Variants in URGCP observed in about 807,000 individuals in gnomAD.
URGCP encodes the protein upregulator of cell proliferation, also known as up-regulator of cell proliferation.
Under a neutral mutation model 24.6 loss-of-function variants are expected in URGCP, and 13 were observed. The observed-to-expected ratio is 0.53, with a 90% confidence interval of 0.34 to 0.84. The LOEUF is 0.84. Ranked by LOEUF, URGCP falls within the 40% of genes least tolerant of loss-of-function variation. The probability of loss-of-function intolerance (pLI) is 0.01; values close to 1 mark genes in which losing one functional copy is unlikely to be tolerated. For missense variants in URGCP, 899 were observed against 1,194.3 expected, an observed-to-expected ratio of 0.75 and a Z score of 3.64; for synonymous variants, 444 against 487.2, an observed-to-expected ratio of 0.91 and a Z score of 1.17.
intron 1 of URGCP, among the ~76,000 whole-genome samples, chr7:43,895,432 T>C (rs2095876886): frequency 6.6e-6 from 1 of 152,222 alleles, no homozygotes; most frequent in Admixed American, 6.5e-5. Flanking sequence ...TCTCAGTACT[T>C]CTGGAGGCCA....
In URGCP at chr7:43,903,590, A is replaced by G. The variant is rs1171515564; in HGVS notation, c.14+2972T>C. Among the ~76,000 whole-genome samples the G allele has an allele frequency of 2.6e-5, 4 of 152,342 alleles. No individual in the cohort carries two copies. The East Asian group carries it at 7.7e-4, about 29-fold the overall frequency. ...AGGTTAAAGAAACTTGAGGAGCTGT[A>G]TCTAGTGTAGTTGGAAATGAAAATC... is the stretch of plus-strand genomic sequence containing the variant. On this transcript the variant is annotated intron_variant, in intron 1 of 5. Transcript: ENST00000453200.
intron 1 of URGCP, among the ~76,000 whole-genome samples, chr7:43,893,158 T>G (rs2095873500): frequency 6.6e-6 from 1 of 152,016 alleles, no homozygotes; most frequent in East Asian, 1.9e-4. Flanking sequence ...CAAGATGTCA[T>G]CTCTCCAAAA....
At chr7:43,885,107 T>C (rs2132663205) in intron 3 of URGCP, among the ~76,000 whole-genome samples, 1 of 151,948 alleles carries the variant, frequency 6.6e-6, no homozygotes, top group African/African-American at 2.4e-5. Context: ...GTATAATTTT[T>C]TTTTTTTTTT....
chr7:43,918,139 T>A (rs2095917372), intron 1 of URGCP, among the ~76,000 whole-genome samples: 1 of 151,140 alleles, frequency 6.6e-6, no homozygotes, highest in East Asian at 2.0e-4. Flanking sequence ...TTGGGCATGG[T>A]GGTGGGTGCC....
chr7:43,910,180 G>C (rs1189577920), upstream of URGCP, among the ~76,000 whole-genome samples: 1 of 152,192 alleles, frequency 6.6e-6, no homozygotes, highest in African/African-American at 2.4e-5. Flanking sequence ...TTCAAGACCA[G>C]CCTGGGCAAC....
At chr7:43,886,256 G>C (rs552556783) in intron 3 of URGCP, among the ~76,000 whole-genome samples, 1 of 152,118 alleles carries the variant, frequency 6.6e-6, no homozygotes, top group African/African-American at 2.4e-5. Flanking sequence ...CCAAAGTACT[G>C]GGATTACAGG....
chr7:43,887,647 G>A (rs1235871621), intron 2 of URGCP, 143 bp downstream of exon 2: 18 of 1,479,062 alleles, frequency 1.2e-5, no homozygotes, highest in Admixed American at 5.2e-5. Context: ...CTGGTCCTGG[G>A]TATCACTGCT....
chr7:43,887,789 C>A lies in URGCP; in HGVS notation c.41+1G>T. ...TCAGAAAGACAGAAAAATATACATA[C>A]CCTTTGCCCAGTAATTCCACTTCTA... is the stretch of plus-strand genomic sequence containing the variant. On this transcript the variant is annotated splice_donor_variant, in intron 2 of 5. Transcript: ENST00000453200. LOFTEE classifies it high-confidence loss of function. The A allele has an allele frequency of 6.5e-7, 1 of 1,549,616 alleles. No individual in the cohort carries two copies. The highest frequency in any genetic ancestry group is 8.7e-7 in the Non-Finnish European group (1 of 1,146,012).
chr7:43,903,357 C>T (rs2095895076), intron 1 of URGCP, among the ~76,000 whole-genome samples: 1 of 152,012 alleles, frequency 6.6e-6, no homozygotes, highest in South Asian at 2.1e-4. Context: ...GTCAGGGTAC[C>T]CCCCCAAACT....
intron 1 of URGCP, among the ~76,000 whole-genome samples, chr7:43,916,323 A>G (rs1288293344): frequency 6.6e-6 from 1 of 152,156 alleles, no homozygotes; most frequent in Non-Finnish European, 1.5e-5. Context: ...TTACTCAGCC[A>G]GGATCCCAAC....
In URGCP at chr7:43,878,725, G is replaced by A. The variant is rs192701664; in HGVS notation, c.738C>T (p.Gly246=). 65 of 1,614,130 alleles carry A rather than the reference G, an allele frequency of 4.0e-5. No individual in the cohort carries two copies. In the East Asian group the frequency reaches 1.2e-3, roughly 30 times the overall value. ...VRTWWSQPPR[G]MGSFREDSVV... ...CGCTGTCTTCCCGGAAGCTCCCCAT[G>A]CCCCTTGGGGGCTGGGACCACCATG... Residue 246 remains glycine (G), a synonymous_variant, in exon 6 of 6, where the codon GGC becomes GGT. Coordinates refer to ENST00000453200, the MANE Select transcript of URGCP (RefSeq NM_001077663.3). This position sits in a 1 kb window ranked among gnomAD's most constrained non-coding sequence, Gnocchi z 5.6.
intron 1 of URGCP, among the ~76,000 whole-genome samples, chr7:43,897,522 G>C (rs1400316951): frequency 6.6e-6 from 1 of 152,154 alleles, no homozygotes; most frequent in Non-Finnish European, 1.5e-5. Context: ...AGCAGGAGAA[G>C]CTAGAGACGA....
At chr7:43,903,187 CA>C (rs2095894736) in intron 1 of URGCP, among the ~76,000 whole-genome samples, 2 of 148,760 alleles carry the variant, frequency 1.3e-5, no homozygotes, top group South Asian at 2.1e-4. Flanking sequence ...AAATCAAAAA[CA>C]AAAAACAAAT....
chr7:43,917,511 C>T (rs901798728), intron 1 of URGCP, among the ~76,000 whole-genome samples: 3 of 152,198 alleles, frequency 2.0e-5, no homozygotes, highest in Non-Finnish European at 4.4e-5. Flanking sequence ...TTTGTTTTAG[C>T]TTCTGCCATT....
chr7:43,901,454 T>G (rs2095890508), intron 1 of URGCP, among the ~76,000 whole-genome samples: 1 of 152,192 alleles, frequency 6.6e-6, no homozygotes, highest in Non-Finnish European at 1.5e-5. Context: ...TAGGGAACAC[T>G]CTGGGTGGCT....
At chr7:43,907,413 G>C (rs1348293366), upstream of URGCP, among the ~76,000 whole-genome samples, 2 of 152,154 alleles carry the variant, frequency 1.3e-5, no homozygotes, top group Non-Finnish European at 2.9e-5. Context: ...CAGGAGGATC[G>C]ATTGAGCCCA....
intron 1 of URGCP, among the ~76,000 whole-genome samples, chr7:43,917,428 T>G (rs2095916714): frequency 6.6e-6 from 1 of 152,162 alleles, no homozygotes; most frequent in African/African-American, 2.4e-5. Flanking sequence ...AACTGGCCAG[T>G]GGCAAACTTT....
In URGCP at chr7:43,878,688, T is replaced by C. The variant is rs2095849296; in HGVS notation, c.775A>G (p.Arg259Gly). ...SFREDSVVLS[R>G]APAFAFVRMD... ...CGCACGAAGGCGAAGGCGGGCGCCC[T>C]GGACAAGACCACGCTGTCTTCCCGG... The change falls in exon 6 of 6, where the codon AGG becomes GGG. Residue 259 changes from arginine to glycine, a missense_variant. Arg to Gly is a moderately radical substitution (Grantham distance 125, BLOSUM62 -2). Coordinates refer to ENST00000453200, the MANE Select transcript of URGCP (RefSeq NM_001077663.3). The surrounding 1 kb of genome is among the most constrained non-coding windows in gnomAD (Gnocchi z 5.6). 6.2e-7 allele frequency: 1 copy of C among 1,613,766 alleles called. No homozygotes were observed. Among genetic ancestry groups the C allele is most frequent in the Non-Finnish European group, 8.5e-7 (1 of 1,180,028 alleles).
rs775426079 is a variant in URGCP, at chr7:43,878,107, C to T, written c.1356G>A (p.Ala452=). The change falls in exon 6 of 6, where the codon GCG becomes GCA. Residue 452 remains alanine (A), a synonymous_variant. Coordinates refer to ENST00000453200, the MANE Select transcript of URGCP (RefSeq NM_001077663.3). This position sits in a 1 kb window ranked among gnomAD's most constrained non-coding sequence, Gnocchi z 5.6. ...PCRRVSVEDM[A]HAARKLGLKV... is the part of the protein sequence containing the mutation. ...TTAGGCCCAGTTTGCGGGCTGCGTGCGCCATGTCCTCCACAGATACCCGCC... is the reference window on the plus strand; with the variant it reads ...TTAGGCCCAGTTTGCGGGCTGCGTGTGCCATGTCCTCCACAGATACCCGCC... 43 of 1,614,138 alleles carry T rather than the reference C, an allele frequency of 2.7e-5. No individual in the cohort carries two copies. The South Asian group carries it at 3.6e-4, about 14-fold the overall frequency.
Sources: gnomAD v4.1 joint callset for allele counts (sites outside exome capture counted in the v4.1 genomes callset) on GRCh38, gnomAD v4.1.1 for gene constraint, Gnocchi (gnomAD v3.1) non-coding constraint, MANE v1.5 for transcripts, NCBI Gene and HGNC (gene_info 2026-07-23, HGNC 2026-07-21) for gene names.